Variants in PRDM11 observed in about 807,000 individuals in gnomAD.
PRDM11 encodes the protein PR/SET domain 11, also known as PR domain-containing protein 11.
A neutral mutation model predicts 97.8 loss-of-function variants in PRDM11; 20 were observed. The ratio of observed to expected loss-of-function variants is 0.20; its 90% CI spans 0.14 to 0.30. The LOEUF (loss-of-function observed/expected upper bound fraction) is 0.30. Ranked by LOEUF, PRDM11 falls within the 10% of genes least tolerant of loss-of-function variation. PRDM11 has a pLI of 1.00. For missense variants in PRDM11, 1,139 were observed against 1,555.2 expected (o/e 0.73, Z 4.50); for synonymous variants, 599 against 637.7 (o/e 0.94, Z 0.91).
intron 1 of PRDM11, among the ~76,000 whole-genome samples, chr11:45,159,848 C>T (rs1728054085): frequency 1.3e-5 from 2 of 152,170 alleles, no homozygotes; most frequent in South Asian, 2.1e-4. Flanking sequence ...CAGCCTTTAT[C>T]CCTGAAGCAT....
At position 45,227,533 on chromosome 11, in the gene PRDM11, A is replaced by G. The variant is rs1854305557; in HGVS notation, c.2908A>G (p.Ile970Val). ...REKICQKTQVILAQRFDSRSR... is the reference protein window; with the variant it reads ...REKICQKTQVVLAQRFDSRSR... ...GAAGATCTGCCAGAAGACCCAGGTC[A>G]TCCTGGCTCAGAGGTTCGACTCCCG... Residue 970 changes from isoleucine (I) to valine (V), a missense_variant, in exon 8 of 8, where the codon ATC becomes GTC. Ile to Val is a conservative substitution (Grantham distance 29). Around this residue, in one of 2 missense-constraint regions of PRDM11, gnomAD observed 710 missense variants for 1,044.9 expected, o/e 0.68. Coordinates refer to ENST00000683152, the MANE Select transcript of PRDM11 (RefSeq NM_001384648.1). The surrounding 1 kb of genome is among the most constrained non-coding windows in gnomAD (Gnocchi z 8.0). 6.5e-7 allele frequency: 1 copy of G among 1,533,808 alleles called. No homozygotes were observed. The highest frequency in any genetic ancestry group is 2.0e-5 in the Admixed American group (1 of 50,986).
intron 1 of PRDM11, among the ~76,000 whole-genome samples, chr11:45,180,036 G>GGGA (rs1852429094): frequency 6.6e-5 from 10 of 152,356 alleles, no homozygotes; most frequent in African/African-American, 2.4e-4. Flanking sequence ...CGATTGTTCG[G>GGGA]TAGAGGACTG....
At chr11:45,159,263 C>G (rs748970447) in intron 1 of PRDM11, among the ~76,000 whole-genome samples, 2 of 152,228 alleles carry the variant, frequency 1.3e-5, no homozygotes, top group Non-Finnish European at 2.9e-5. Context: ...CTGCTGCCTC[C>G]TGGGCCCAGC....
At chr11:45,118,121 G>A (rs372017392) in intron 1 of PRDM11, among the ~76,000 whole-genome samples, 1 of 152,012 alleles carries the variant, frequency 6.6e-6, no homozygotes, top group Admixed American at 6.6e-5. Flanking sequence ...GAAAAAAAGA[G>A]AAGGAAAAGA....
chr11:45,160,299 A>G (rs1484601517), intron 1 of PRDM11, among the ~76,000 whole-genome samples: 44 of 152,294 alleles, frequency 2.9e-4, no homozygotes, highest in Admixed American at 2.8e-3. Flanking sequence ...CTACATTTCA[A>G]TTATATAAGG....
chr11:45,171,109 T>G (rs937640263), intron 1 of PRDM11, among the ~76,000 whole-genome samples: 8 of 150,694 alleles, frequency 5.3e-5, no homozygotes, highest in African/African-American at 2.0e-4. Flanking sequence ...TGTTGTTTTG[T>G]TTTTTTTTGA....
Position 45,224,683 on chromosome 11 carries a change from T to C in PRDM11, c.1209T>C (p.His403=), listed in dbSNP as rs928745957. 35 of 1,614,054 alleles carry C rather than the reference T, an allele frequency of 2.2e-5. No homozygotes were observed. Among genetic ancestry groups the C allele is most frequent in the Non-Finnish European group, 2.9e-5 (34 of 1,180,034 alleles). The stretch of plus-strand genomic sequence containing the variant: ...AGGCCTCCCTTGCATCTGACCCTCA[T>C]GAACTTCCCACCACCTCTTTTTGCC... ...PAEASLASDP[H]ELPTTSFCPN... is the part of the protein sequence containing the mutation. The change falls in exon 7 of 8, where the codon CAT becomes CAC. Residue 403 remains histidine, a synonymous_variant. Transcript: ENST00000683152.
At position 45,227,430 on chromosome 11, in the gene PRDM11, G is replaced by A. The variant is rs761685037; in HGVS notation, c.2805G>A (p.Glu935=). 6.5e-7 allele frequency: 1 copy of A among 1,533,768 alleles called. No homozygotes were observed. The highest frequency in any genetic ancestry group is 1.4e-5 in the African/African-American group (1 of 72,990). Residue 935 remains glutamate, a synonymous_variant, in exon 8 of 8, where the codon GAG becomes GAA. Coordinates refer to ENST00000683152, the MANE Select transcript of PRDM11 (RefSeq NM_001384648.1). The surrounding 1 kb of genome is among the most constrained non-coding windows in gnomAD (Gnocchi z 8.0). ...SPGEYLQEFE[E]NFRESFNGIA... is the part of the protein sequence containing the mutation. ...GAGAATACCTGCAGGAGTTCGAGGA[G>A]AATTTCCGAGAGAGCTTCAACGGGA...
chr11:45,197,636 C>G (rs1176675971), intron 4 of PRDM11, among the ~76,000 whole-genome samples: 1 of 152,102 alleles, frequency 6.6e-6, no homozygotes, highest in Non-Finnish European at 1.5e-5. Flanking sequence ...TAAATACATA[C>G]AGCTTTTTGT....
chr11:45,226,648 G>A lies in PRDM11; in HGVS notation c.2023G>A (p.Ala675Thr). Residue 675 changes from alanine (A) to threonine (T), a missense_variant, in exon 8 of 8, where the codon GCT (alanine) becomes ACT (threonine). Around this residue, in one of 2 missense-constraint regions of PRDM11, gnomAD observed 710 missense variants for 1,044.9 expected, o/e 0.68. Transcript: ENST00000683152. ...CGACGACCTGCTGGCCGACACGGTG[G>A]CTGTCTATGTTCAGTACACCAGCAG... ...QSDDLLADTV[A>T]VYVQYTSSDG... 6.5e-7 allele frequency: 1 copy of A among 1,533,976 alleles called. No homozygotes were observed. Among genetic ancestry groups the A allele is most frequent in the Non-Finnish European group, 8.7e-7 (1 of 1,146,740 alleles).
At chr11:45,135,369 T>C (rs1017112899) in intron 1 of PRDM11, among the ~76,000 whole-genome samples, 1 of 152,226 alleles carries the variant, frequency 6.6e-6, no homozygotes, top group Non-Finnish European at 1.5e-5. Flanking sequence ...CACAAAGTAA[T>C]TATTTGCATG....
Position 45,183,194 on chromosome 11 carries a change from A to G in PRDM11, c.486+71A>G, listed in dbSNP as rs939064976. 2.0e-6 allele frequency: 3 copies of G among 1,520,566 alleles called. No homozygotes were observed. The Admixed American group carries it at 6.1e-5, about 31-fold the overall frequency. 94.2% of individuals were successfully genotyped at this position (1,520,566 alleles called of 1,614,324 possible). Reference sequence around the variant, plus strand: ...TGGAAGGAAACCACCAGGGGGAGCCATACTGGCCCAGCTTGGCCCCAGAAC... The same window carrying G: ...TGGAAGGAAACCACCAGGGGGAGCCGTACTGGCCCAGCTTGGCCCCAGAAC... On this transcript the variant is annotated intron_variant, in intron 4 of 7. Transcript: ENST00000683152.
chr11:45,096,128 T>C (rs1851884774), intron 1 of PRDM11, among the ~76,000 whole-genome samples: 1 of 152,250 alleles, frequency 6.6e-6, no homozygotes. Context: ...CATTTTCTTG[T>C]TTGTTACGGG....
intron 1 of PRDM11, among the ~76,000 whole-genome samples, chr11:45,163,487 A>ATG (rs1554968582): frequency 4.0e-5 from 1 of 24,692 alleles, no homozygotes; most frequent in Non-Finnish European, 2.0e-4. Context: ...GTGCTTGAGG[A>ATG]TGGGGGGGGG....
At chr11:45,199,307 C>A (rs1475815461) in intron 4 of PRDM11, among the ~76,000 whole-genome samples, 1 of 152,194 alleles carries the variant, frequency 6.6e-6, no homozygotes, top group Non-Finnish European at 1.5e-5. Context: ...ACAGGAAGCT[C>A]ACCACCTCAC....
At chr11:45,191,612 C>T (rs577584318) in intron 4 of PRDM11, among the ~76,000 whole-genome samples, 1 of 151,998 alleles carries the variant, frequency 6.6e-6, no homozygotes, top group African/African-American at 2.4e-5. Flanking sequence ...CAAACTGGCT[C>T]CTTGTTCTTT....
chr11:45,182,887 G>C lies in PRDM11; in HGVS notation c.250G>C (p.Val84Leu). The C allele has an allele frequency of 6.2e-7, 1 of 1,604,330 alleles. No homozygotes were observed. Among genetic ancestry groups the C allele is most frequent in the Non-Finnish European group, 8.5e-7 (1 of 1,174,416 alleles). Residue 84 changes from valine (V) to leucine (L), a missense_variant, in exon 4 of 8, where the codon GTG becomes CTG. By Grantham distance (32) the Val-to-Leu change is conservative (BLOSUM62 1). Around this residue, in one of 2 missense-constraint regions of PRDM11, gnomAD observed 429 missense variants for 510.3 expected, o/e 0.84. Transcript: ENST00000683152. ...CTGTGAGTCCTGCCAGGAGTACTTC[G>C]TGGATGAATGCCCAAACCATGGCCC... ...WFCESCQEYF[V>L]DECPNHGPPV...
At chr11:45,168,827 A>G (rs1354121831) in intron 1 of PRDM11, among the ~76,000 whole-genome samples, 1 of 152,146 alleles carries the variant, frequency 6.6e-6, no homozygotes. Context: ...TTCAGTCGTG[A>G]TCTTCCCAGC....
At chr11:45,121,162 A>G (rs1852421682) in intron 1 of PRDM11, among the ~76,000 whole-genome samples, 1 of 152,204 alleles carries the variant, frequency 6.6e-6, no homozygotes, top group South Asian at 2.1e-4. Context: ...GTTTGATACT[A>G]CCAACTATAT....
Sources: allele counts gnomAD v4.1 joint callset (sites outside exome capture counted in the v4.1 genomes callset), GRCh38; gene constraint gnomAD v4.1.1; regional missense constraint gnomAD v4.1.1; non-coding constraint Gnocchi (gnomAD v3.1); transcripts MANE v1.5; gene names NCBI Gene and HGNC (gene_info 2026-07-23, HGNC 2026-07-21).